The following CPED1 variants were observed in gnomAD, a reference collection of about 807,000 sequenced individuals.
CPED1 encodes cadherin-like and PC-esterase domain-containing protein 1.
In CPED1, 114 loss-of-function variants were observed where a neutral mutation model predicts 128.2. That is an observed-to-expected ratio of 0.89 (90% CI 0.76 to 1.04). The LOEUF is 1.04. CPED1 is among the 50% of genes least tolerant of loss of function. The pLI, the probability that CPED1 is intolerant of heterozygous loss-of-function variation, is 0.00. For missense variants in CPED1, 1,211 were observed against 1,207.1 expected, an observed-to-expected ratio of 1.00 and a Z score of -0.05; for synonymous variants, 462 against 426.7, an observed-to-expected ratio of 1.08 and a Z score of -1.02.
intron 2 of CPED1, among the ~76,000 whole-genome samples, chr7:120,993,304 A>G (rs1331289840): frequency 6.6e-6 from 1 of 152,204 alleles, no homozygotes; most frequent in Non-Finnish European, 1.5e-5. Flanking sequence ...ATGCTTCTTT[A>G]ATGGAAACTT....
chr7:121,053,374 A>T (rs186100558), intron 4 of CPED1, among the ~76,000 whole-genome samples: 2 of 152,130 alleles, frequency 1.3e-5, no homozygotes, highest in African/African-American at 4.8e-5. Flanking sequence ...TGTTTTGTGG[A>T]ATGATCCTCA....
intron 17 of CPED1, among the ~76,000 whole-genome samples, chr7:121,242,335 G>T (rs978273506): frequency 4.6e-5 from 7 of 152,178 alleles, no homozygotes; most frequent in Non-Finnish European, 8.8e-5. Context: ...ACAAGTTCCT[G>T]AGCCCTGGTT....
intron 16 of CPED1, among the ~76,000 whole-genome samples, chr7:121,149,086 A>G (rs1796092828): frequency 6.6e-6 from 1 of 152,202 alleles, no homozygotes. Flanking sequence ...CTTGATTTAA[A>G]TGCATAACCT....
Position 121,244,311 on chromosome 7 carries a change from A to G in CPED1, c.2283A>G (p.Gln761=). The part of the protein sequence containing the change: ...NCQYGVLTKP[Q]LQQCLGGRKI... ...AATATGGTGTCCTAACTAAGCCTCA[A>G]CTCCAGCAGTGCCTGGGAGGAAGGA... Residue 761 remains glutamine (Q), a synonymous_variant, in exon 18 of 23, where the codon CAA becomes CAG. Transcript: ENST00000310396. 1.2e-6 allele frequency: 2 copies of G among 1,613,976 alleles called. No homozygotes were observed. Among genetic ancestry groups the G allele is most frequent in the Non-Finnish European group, 8.5e-7 (1 of 1,179,968 alleles).
chr7:121,249,516 C>T (rs1049647986), intron 18 of CPED1, among the ~76,000 whole-genome samples: 1 of 152,152 alleles, frequency 6.6e-6, no homozygotes, highest in Non-Finnish European at 1.5e-5. Context: ...GATTAGGGGC[C>T]TATTTCTAGC....
chr7:121,045,970 T>A (rs770245755), intron 3 of CPED1, among the ~76,000 whole-genome samples: 1 of 152,156 alleles, frequency 6.6e-6, no homozygotes, highest in Non-Finnish European at 1.5e-5. Flanking sequence ...TAGTTATTCA[T>A]GCATTAGTCA....
chr7:121,268,226 C>T (rs75652054), intron 21 of CPED1, among the ~76,000 whole-genome samples: 4,202 of 152,052 alleles, frequency 0.028, 117 homozygotes, highest in African/African-American at 0.055. Flanking sequence ...GTCTACAGGT[C>T]GAGATCCACA....
intron 21 of CPED1, among the ~76,000 whole-genome samples, chr7:121,269,653 A>T (rs1168217034): frequency 6.6e-6 from 1 of 151,988 alleles, no homozygotes; most frequent in Admixed American, 6.6e-5. Flanking sequence ...CCTCACAAAC[A>T]TCTGTTAATT....
At chr7:121,006,867 A>C (rs1430290500) in intron 2 of CPED1, among the ~76,000 whole-genome samples, 3 of 152,136 alleles carry the variant, frequency 2.0e-5, no homozygotes, top group African/African-American at 7.2e-5. Context: ...AGGCTGAAAA[A>C]GATACTTTTT....
At chr7:121,086,333 A>G (rs1463078893) in intron 5 of CPED1, among the ~76,000 whole-genome samples, 2 of 152,208 alleles carry the variant, frequency 1.3e-5, no homozygotes, top group African/African-American at 4.8e-5. Flanking sequence ...AAAATGAGAA[A>G]TGTGCCAGGT....
At chr7:121,149,148 G>A (rs1376520610) in intron 16 of CPED1, among the ~76,000 whole-genome samples, 1 of 152,152 alleles carries the variant, frequency 6.6e-6, no homozygotes, top group East Asian at 1.9e-4. Context: ...CTTTACCAGT[G>A]AGCCGTCCTT....
intron 22 of CPED1, among the ~76,000 whole-genome samples, chr7:121,280,984 C>T (rs903287589): frequency 1.3e-5 from 2 of 152,126 alleles, no homozygotes; most frequent in African/African-American, 4.8e-5. Context: ...AAGCCATTAC[C>T]CTGTCTCCTC....
chr7:121,260,233 T>G (rs1319129035), intron 18 of CPED1, among the ~76,000 whole-genome samples: 2 of 146,524 alleles, frequency 1.4e-5, no homozygotes, highest in African/African-American at 2.5e-5. Flanking sequence ...GTTTTTTTTT[T>G]TTTTTTTTTT....
At chr7:121,233,225 A>G (rs1011723230) in intron 16 of CPED1, among the ~76,000 whole-genome samples, 28 of 152,142 alleles carry the variant, frequency 1.8e-4, no homozygotes, top group Admixed American at 2.0e-4. Flanking sequence ...GAGAACTATG[A>G]CAATCTACTC....
intron 16 of CPED1, among the ~76,000 whole-genome samples, chr7:121,230,028 A>T (rs1337125573): frequency 2.0e-5 from 3 of 152,184 alleles, no homozygotes; most frequent in South Asian, 2.1e-4. Context: ...GAATTATTTC[A>T]AGCAACAAAG....
chr7:121,143,696 C>T (rs1366246711), intron 16 of CPED1, among the ~76,000 whole-genome samples: 3 of 151,832 alleles, frequency 2.0e-5, no homozygotes, highest in Admixed American at 2.0e-4. Flanking sequence ...TTTGGTGGAG[C>T]ATTTTTTTCA....
chr7:121,258,434 C>T (rs1791939702), intron 18 of CPED1, among the ~76,000 whole-genome samples: 1 of 152,050 alleles, frequency 6.6e-6, no homozygotes, highest in South Asian at 2.1e-4. Flanking sequence ...GAAAAGTTGC[C>T]AGAAGAAAAT....
intron 22 of CPED1, among the ~76,000 whole-genome samples, chr7:121,283,890 C>T (rs1792510482): frequency 6.6e-6 from 1 of 152,128 alleles, no homozygotes; most frequent in Non-Finnish European, 1.5e-5. Flanking sequence ...TGGTGGGTTT[C>T]CAAAGCCCGG....
intron 12 of CPED1, among the ~76,000 whole-genome samples, chr7:121,132,651 C>A (rs1271115683): frequency 2.6e-5 from 4 of 152,018 alleles, no homozygotes; most frequent in Non-Finnish European, 4.4e-5. Context: ...CCTAGAAGTA[C>A]AGTTGCATTG....
Sources: gnomAD v4.1 joint callset for allele counts (sites outside exome capture counted in the v4.1 genomes callset) on GRCh38, gnomAD v4.1.1 for gene constraint, MANE v1.5 for transcripts, NCBI Gene and HGNC (gene_info 2026-07-23, HGNC 2026-07-21) for gene names.